The following COL6A1 variants were observed in gnomAD, a reference collection of about 807,000 sequenced individuals.
COL6A1 encodes collagen type VI alpha 1 chain.
COL6A1 carries 80 observed loss-of-function variants against 145.6 expected under a neutral mutation model. That is an observed-to-expected ratio of 0.55 (90% CI 0.46 to 0.66). The LOEUF is 0.66. Among genes scored for constraint, COL6A1 ranks in the 30% least tolerant of loss-of-function variants. The probability of loss-of-function intolerance (pLI) is 0.00; values close to 1 mark genes in which losing one functional copy is unlikely to be tolerated. For synonymous variants in COL6A1, 638 were observed against 622.8 expected, an observed-to-expected ratio of 1.02 and a Z score of -0.36; for missense variants, 1,364 against 1,473.8, an observed-to-expected ratio of 0.93 and a Z score of 1.22.
At chr21:45,998,334 C>A in intron 23 of COL6A1, 64 bp from the exon 24 acceptor site, 2 of 1,598,380 alleles carry the variant, frequency 1.3e-6, no homozygotes, top group South Asian at 2.2e-5. Flanking sequence ...TTCCGCTGTG[C>A]GCCCCTCACA....
intron 19 of COL6A1, among the ~76,000 whole-genome samples, chr21:45,993,250 C>A (rs902072443): frequency 2.6e-5 from 4 of 152,226 alleles, no homozygotes; most frequent in Non-Finnish European, 4.4e-5. Flanking sequence ...GGCCACCCCC[C>A]ACCTTCAGCT....
chr21:45,999,536 G>A, intron 26 of COL6A1, 121 bp from the exon 27 acceptor site: 1 of 1,074,704 alleles, frequency 9.3e-7, no homozygotes, highest in East Asian at 2.5e-5. Flanking sequence ...GCTGGGTAGG[G>A]AGGGACCGGG....
Position 45,999,098 on chromosome 21 carries a change from C to T in COL6A1, c.1675-55C>T, listed in dbSNP as rs4819179. ...CTGGATGCTCTGTGGACGGGGCCAG[C>T]GCGCAGATGCCCGGGTGGTGCACGG... On this transcript the variant is annotated intron_variant, in intron 25 of 34. Transcript: ENST00000361866. 465,996 of 1,548,464 alleles carry T rather than the reference C, an allele frequency of 0.3. 72,490 individuals are homozygous for T. Among genetic ancestry groups the T allele is most frequent in the African/African-American group, 0.48 (35,009 of 73,508 alleles).
rs113469306 is a variant in COL6A1, at chr21:45,992,297, C to T, written c.1237-66C>T. ...TCCTCTTTGCTCGGGGTCTACTCCACGTCCCTGAGACCAAATGCAGTGTGT... is the reference window on the plus strand; with the variant it reads ...TCCTCTTTGCTCGGGGTCTACTCCATGTCCCTGAGACCAAATGCAGTGTGT... On this transcript the variant is annotated intron_variant, in intron 17 of 34. Coordinates refer to ENST00000361866, the MANE Select transcript of COL6A1 (RefSeq NM_001848.3). 6.6e-4 allele frequency: 1,069 copies of T among 1,613,310 alleles called. 1 individual carries two copies. Among genetic ancestry groups the T allele is most frequent in the Non-Finnish European group, 8.2e-4 (970 of 1,179,572 alleles).
At chr21:45,983,152 C>T (rs758557416) in intron 2 of COL6A1, among the ~76,000 whole-genome samples, 5 of 152,240 alleles carry the variant, frequency 3.3e-5, no homozygotes, top group Non-Finnish European at 7.3e-5. Context: ...CCCTCACTAA[C>T]CACCTGGACC....
chr21:45,992,509 A>G (rs2077782674), intron 18 of COL6A1, 111 bp downstream of exon 18: 1 of 1,337,252 alleles, frequency 7.5e-7, no homozygotes, highest in Non-Finnish European at 1.0e-6. Context: ...CCTCCTGCCC[A>G]AGACAAATGG....
At chr21:45,990,949 G>T (rs770813538) in intron 14 of COL6A1, 30 bp from the exon 15 acceptor site, 11 of 1,612,866 alleles carry the variant, frequency 6.8e-6, no homozygotes, top group Admixed American at 1.7e-5. Context: ...GGCCTCTGCC[G>T]GTGGTGTCAT....
intron 23 of COL6A1, 29 bp from the exon 24 acceptor site, chr21:45,998,369 G>C: frequency 6.2e-7 from 1 of 1,613,032 alleles, no homozygotes; most frequent in Non-Finnish European, 8.5e-7. Context: ...ATCAGAACCC[G>C]GTATCACTGC....
At chr21:45,982,466 C>CTCCCCACCG (rs1251452183) in intron 1 of COL6A1, among the ~76,000 whole-genome samples, 168 bp from the exon 2 acceptor site, 1 of 152,186 alleles carries the variant, frequency 6.6e-6, no homozygotes, top group African/African-American at 2.4e-5. Context: ...ACTCCACCCC[C>CTCCCCACCG]TCCCCACCGT....
At position 45,998,162 on chromosome 21, in the gene COL6A1, C is replaced by T. The variant is rs753063150; in HGVS notation, c.1566C>T (p.Pro522=). Residue 522 remains proline (P), a synonymous_variant, in exon 23 of 35, where the codon CCC becomes CCT. Transcript: ENST00000361866. ...CTGGAAATGGCACCGAGGGCTTCCC[C>T]GGCTTCCCCGTAAGTGTCCGGAGGC... The part of the protein sequence containing the change: ...GPAGNGTEGF[P]GFPGYPGNRG... The T allele has an allele frequency of 3.8e-5, 61 of 1,612,038 alleles. No individual in the cohort carries two copies. Among genetic ancestry groups the T allele is most frequent in the South Asian group, 4.4e-5 (4 of 90,944 alleles).
At chr21:45,984,162 G>T in intron 2 of COL6A1, 107 bp from the exon 3 acceptor site, 1 of 1,138,162 alleles carries the variant, frequency 8.8e-7, no homozygotes, top group Non-Finnish European at 1.3e-6. Context: ...TGTCAGCCAC[G>T]GCCAGGGTGG....
rs761665024 is a variant in COL6A1 at position 46,002,574 on chromosome 21, A to G, written c.2298A>G (p.Ser766=). Residue 766 remains serine, a synonymous_variant, in exon 33 of 35, where the codon TCA becomes TCG. Coordinates refer to ENST00000361866, the MANE Select transcript of COL6A1 (RefSeq NM_001848.3). ...IKDVFDFIPG[S]DQLNVISCQG... ...ACGTGTTTGACTTCATCCCAGGCTC[A>G]GACCAGCTCAATGTCATTTCTTGCC... 5 of 1,614,164 alleles carry G rather than the reference A, an allele frequency of 3.1e-6. No homozygotes were observed. Among genetic ancestry groups the G allele is most frequent in the Non-Finnish European group, 4.2e-6 (5 of 1,180,008 alleles).
intron 27 of COL6A1, among the ~76,000 whole-genome samples, chr21:45,999,896 A>AGGGGACGTGTGAGGATCAT (rs2077829446): frequency 1.2e-4 from 1 of 8,646 alleles, no homozygotes; most frequent in Admixed American, 1.1e-3. Context: ...AGGACCATAG[A>AGGGGACGTGTGAGGATCAT]GGGGACATGT....
At chr21:45,992,250 A>G (rs1249033278) in intron 17 of COL6A1, 33 bp downstream of exon 17, 6 of 1,613,548 alleles carry the variant, frequency 3.7e-6, no homozygotes, top group Non-Finnish European at 3.4e-6. Flanking sequence ...TTCCTGGGGA[A>G]GTGCATGGCC....
intron 3 of COL6A1, among the ~76,000 whole-genome samples, chr21:45,985,495 G>A (rs927891087): frequency 6.6e-6 from 1 of 152,208 alleles, no homozygotes; most frequent in African/African-American, 2.4e-5. Flanking sequence ...ACACCAAGCA[G>A]GGCTAGGATC....
In COL6A1 at chr21:46,002,545, A is replaced by C; in HGVS notation, c.2269A>C (p.Lys757Gln). ...CCCACAGGTGGTCTCCGTGGGCATC[A>C]AAGACGTGTTTGACTTCATCCCAGG... ...PGIQVVSVGI[K>Q]DVFDFIPGSD... Residue 757 changes from lysine (K) to glutamine (Q), a missense_variant, in exon 33 of 35, where the codon AAA becomes CAA. Transcript: ENST00000361866. 1.9e-6 allele frequency: 3 copies of C among 1,614,112 alleles called. No homozygotes were observed. The highest frequency in any genetic ancestry group is 2.5e-6 in the Non-Finnish European group (3 of 1,179,994).
chr21:45,996,121 G>A (rs1158665295), intron 20 of COL6A1, among the ~76,000 whole-genome samples: 4 of 152,242 alleles, frequency 2.6e-5, no homozygotes, highest in African/African-American at 9.6e-5. Context: ...TGCTGTCTGT[G>A]GCACAGTCTG....
chr21:46,003,192 G>A (rs770047236), intron 34 of COL6A1, 43 bp downstream of exon 34: 57 of 1,613,608 alleles, frequency 3.5e-5, no homozygotes, highest in Middle Eastern at 3.3e-4. Flanking sequence ...GGAGGGCACC[G>A]TGGTTGGGGC....
intron 18 of COL6A1, 92 bp downstream of exon 18, chr21:45,992,490 G>C (rs1368819040): frequency 9.6e-6 from 14 of 1,459,074 alleles, no homozygotes; most frequent in Admixed American, 1.9e-5. Context: ...CCAGCACTGA[G>C]AGCCATGGCC....
Sources: allele counts gnomAD v4.1 joint callset (sites outside exome capture counted in the v4.1 genomes callset), GRCh38; gene constraint gnomAD v4.1.1; transcripts MANE v1.5; gene names NCBI Gene and HGNC (gene_info 2026-07-23, HGNC 2026-07-21).